Variants in DIAPH2 observed in about 807,000 individuals in gnomAD.
The protein encoded by DIAPH2 is diaphanous related formin 2.
DIAPH2 carries 35 observed loss-of-function variants against 92.7 expected under a neutral mutation model. The observed-to-expected ratio is 0.38, with a 90% confidence interval of 0.29 to 0.50. The LOEUF is 0.50. Ranked by LOEUF, DIAPH2 falls within the 20% of genes least tolerant of loss-of-function variation. The pLI is 0.94. For synonymous variants in DIAPH2, 301 were observed against 280.4 expected (o/e 1.07, Z -0.73); for missense variants, 701 against 819.5 (o/e 0.86, Z 1.77).
chrX:96,738,797 A>C (rs1338629841), intron 3 of DIAPH2, 35 bp downstream of exon 3: 1 of 1,113,433 alleles, frequency 9.0e-7, no homozygotes, highest in Non-Finnish European at 1.2e-6. Flanking sequence ...GTAATTTTAA[A>C]ATGTGTGTGC....
intron 15 of DIAPH2, among the ~76,000 whole-genome samples, chrX:96,949,368 T>G (rs1049807649): frequency 9.0e-6 from 1 of 110,859 alleles, no homozygotes; most frequent in Non-Finnish European, 1.9e-5. Flanking sequence ...GTAGAAATAG[T>G]CATTAATTGT....
At chrX:97,116,927 T>C (rs1056175909) in intron 21 of DIAPH2, among the ~76,000 whole-genome samples, 1 of 111,804 alleles carries the variant, frequency 8.9e-6, no homozygotes, top group African/African-American at 3.2e-5. Flanking sequence ...ACCTGTCAAA[T>C]AAAAGTTCTT....
chrX:97,297,716 T>A (rs1343633495), intron 23 of DIAPH2, among the ~76,000 whole-genome samples: 1 of 108,657 alleles, frequency 9.2e-6, no homozygotes, highest in Non-Finnish European at 1.9e-5. Flanking sequence ...TTACCACTGG[T>A]GTGACTTTTC....
chrX:97,099,036 T>C (rs1201859736), intron 19 of DIAPH2, among the ~76,000 whole-genome samples: 1 of 112,088 alleles, frequency 8.9e-6, no homozygotes, highest in Non-Finnish European at 1.9e-5. Flanking sequence ...TTATTCCAGG[T>C]TTTGAAAAAT....
chrX:96,939,938 CAGG>C (rs1020555292), intron 12 of DIAPH2, among the ~76,000 whole-genome samples: 1 of 103,149 alleles, frequency 9.7e-6, no homozygotes, highest in Admixed American at 1.0e-4. Context: ...GCTGGGATTA[CAGG>C]CGTGAGCCAC....
chrX:96,761,518 G>A (rs12013445), intron 4 of DIAPH2, among the ~76,000 whole-genome samples: 17,233 of 110,154 alleles, frequency 0.16, 1,175 homozygotes, highest in East Asian at 0.32. Flanking sequence ...TACTCTTTCA[G>A]CTCTTTTCCA....
intron 26 of DIAPH2, among the ~76,000 whole-genome samples, chrX:97,453,611 G>A (rs1477898678): frequency 8.9e-6 from 1 of 111,773 alleles, no homozygotes; most frequent in African/African-American, 3.2e-5. Context: ...AGTATGAAAA[G>A]AGAAACACAA....
At chrX:97,006,768 A>T (rs1468637758) in intron 17 of DIAPH2, among the ~76,000 whole-genome samples, 1 of 111,709 alleles carries the variant, frequency 9.0e-6, no homozygotes, top group Admixed American at 9.5e-5. Flanking sequence ...ACTTACATTC[A>T]ATGTTATTAT....
chrX:97,117,183 G>C (rs913186524), intron 21 of DIAPH2, among the ~76,000 whole-genome samples: 1 of 110,350 alleles, frequency 9.1e-6, no homozygotes, highest in Non-Finnish European at 1.9e-5. Flanking sequence ...TTTAGAAAGA[G>C]AAATATCATA....
chrX:97,010,830 T>C (rs1399072471), intron 17 of DIAPH2, among the ~76,000 whole-genome samples: 1 of 111,919 alleles, frequency 8.9e-6, no homozygotes, highest in Non-Finnish European at 1.9e-5. Flanking sequence ...CTTTCCTGTC[T>C]TTATTTTTGT....
At chrX:96,762,364 C>T (rs949058306) in intron 4 of DIAPH2, among the ~76,000 whole-genome samples, 1 of 111,242 alleles carries the variant, frequency 9.0e-6, no homozygotes, top group African/African-American at 3.3e-5. Flanking sequence ...TGAACATGTG[C>T]ATGTTTAGAT....
chrX:96,918,453 C>T (rs2065519478), intron 8 of DIAPH2, 56 bp from the exon 9 acceptor site: 4 of 762,396 alleles, frequency 5.2e-6, no homozygotes, highest in East Asian at 6.8e-5. Context: ...GACCGGTGCT[C>T]ATAGTGTCTG....
At chrX:97,314,791 A>G (rs763688382) in intron 23 of DIAPH2, among the ~76,000 whole-genome samples, 2 of 112,431 alleles carry the variant, frequency 1.8e-5, no homozygotes, top group African/African-American at 6.4e-5. Context: ...TTTAGAAACA[A>G]TAAAAGCTGT....
At chrX:97,214,709 T>C (rs1387192774) in intron 22 of DIAPH2, among the ~76,000 whole-genome samples, 1 of 108,281 alleles carries the variant, frequency 9.2e-6, no homozygotes. Context: ...CGCATGCCTG[T>C]AATCCCAGCT....
intron 25 of DIAPH2, among the ~76,000 whole-genome samples, chrX:97,400,473 G>A (rs1172787856): frequency 9.0e-6 from 1 of 111,564 alleles, no homozygotes; most frequent in African/African-American, 3.3e-5. Context: ...TATACATTGT[G>A]AAATGATTAA....
At chrX:97,428,678 C>A (rs2070095913) in intron 25 of DIAPH2, among the ~76,000 whole-genome samples, 1 of 111,656 alleles carries the variant, frequency 9.0e-6, no homozygotes, top group East Asian at 2.8e-4. Flanking sequence ...TCTTAACCCT[C>A]TTGCCTGCAA....
At chrX:96,849,388 A>C (rs2064993146) in intron 4 of DIAPH2, among the ~76,000 whole-genome samples, 1 of 110,042 alleles carries the variant, frequency 9.1e-6, no homozygotes, top group African/African-American at 3.3e-5. Context: ...CTGATCTTGA[A>C]CTCTTGACCT....
intron 23 of DIAPH2, among the ~76,000 whole-genome samples, chrX:97,343,639 A>G (rs2069131319): frequency 9.2e-6 from 1 of 109,241 alleles, no homozygotes. Context: ...ACTACACTCC[A>G]GCCTGGGTGA....
intron 25 of DIAPH2, among the ~76,000 whole-genome samples, chrX:97,425,003 A>C (rs147047977): frequency 1.4e-3 from 161 of 112,350 alleles, no homozygotes; most frequent in African/African-American, 4.8e-3. Flanking sequence ...AATTTTAATA[A>C]AACAATATCT....
Sources: allele counts gnomAD v4.1 joint callset (sites outside exome capture counted in the v4.1 genomes callset), GRCh38; gene constraint gnomAD v4.1.1; transcripts MANE v1.5; gene names NCBI Gene and HGNC (gene_info 2026-07-23, HGNC 2026-07-21).